SNX13: variants seen among roughly 807,000 people sequenced by gnomAD.
SNX13 encodes sorting nexin 13.
SNX13 carries 45 observed loss-of-function variants against 133.6 expected under a neutral mutation model. The ratio of observed to expected loss-of-function variants is 0.34; its 90% confidence interval spans 0.27 to 0.43. SNX13 has a LOEUF of 0.43. Among genes scored for constraint, SNX13 ranks in the 20% least tolerant of loss-of-function variants. The pLI, the probability that SNX13 is intolerant of heterozygous loss-of-function variation, is 1.00. For synonymous variants in SNX13, 414 were observed against 373.9 expected (o/e 1.11, Z -1.24); for missense variants, 1,032 against 1,145.1 (o/e 0.90, Z 1.43).
At chr7:17,924,358 T>A (rs747988013) in intron 1 of SNX13, among the ~76,000 whole-genome samples, 1 of 152,100 alleles carries the variant, frequency 6.6e-6, no homozygotes, top group Non-Finnish European at 1.5e-5. Context: ...GATATACAAA[T>A]GAAATATGAA....
chr7:17,907,504 T>G (rs1466794204), intron 1 of SNX13, among the ~76,000 whole-genome samples: 2 of 152,184 alleles, frequency 1.3e-5, no homozygotes, highest in Non-Finnish European at 2.9e-5. Context: ...TTTAAAAATC[T>G]GTAAAAATCA....
rs545801284 is a variant in SNX13 at position 17,856,949 on chromosome 7, T to C, written c.838-5985A>G. On this transcript the variant is annotated intron_variant, in intron 9 of 25. Transcript: ENST00000428135. ...TAAGAAAACAATACAAAAGATTGAG[T>C]TGAAAAGTGATCTTTTAAAGGGAGA... 1.1e-4 allele frequency among the ~76,000 whole-genome samples: 16 copies of C among 151,006 alleles called. No individual in the cohort carries two copies. In the East Asian group the frequency reaches 1.4e-3, roughly 13 times the overall value.
chr7:17,841,498 A>C (rs755812602), intron 12 of SNX13, among the ~76,000 whole-genome samples: 23 of 151,170 alleles, frequency 1.5e-4, no homozygotes, highest in Non-Finnish European at 3.4e-4. Context: ...CCCTAAGGAA[A>C]GGGAAGTGAT....
At chr7:17,938,148 T>C (rs1802324884) in intron 1 of SNX13, among the ~76,000 whole-genome samples, 1 of 152,214 alleles carries the variant, frequency 6.6e-6, no homozygotes, top group South Asian at 2.1e-4. Flanking sequence ...TTAGAAGCCT[T>C]GTTTAAAAAA....
intron 9 of SNX13, among the ~76,000 whole-genome samples, chr7:17,854,816 A>AC (rs1218323812): frequency 1.3e-5 from 2 of 152,190 alleles, no homozygotes; most frequent in Non-Finnish European, 2.9e-5. Context: ...ACAGTTAGTA[A>AC]CCCTACAATG....
chr7:17,836,617 T>C (rs1008454594), intron 13 of SNX13, among the ~76,000 whole-genome samples: 6 of 152,144 alleles, frequency 3.9e-5, no homozygotes, highest in African/African-American at 1.4e-4. Flanking sequence ...GTGTATTCTT[T>C]ACTTTTCTAT....
intron 19 of SNX13, among the ~76,000 whole-genome samples, chr7:17,815,235 C>T (rs1786526894): frequency 6.6e-6 from 1 of 152,086 alleles, no homozygotes; most frequent in Non-Finnish European, 1.5e-5. Flanking sequence ...ACAGCTTATA[C>T]TAAGAAGATC....
chr7:17,821,370 TC>T, intron 18 of SNX13, 138 bp downstream of exon 18: 1 of 740,790 alleles, frequency 1.3e-6, no homozygotes, highest in Non-Finnish European at 2.2e-6. Context: ...TCAGATTAAT[TC>T]TAAGATTTAT....
chr7:17,817,403 C>T (rs1042635459), intron 18 of SNX13, among the ~76,000 whole-genome samples: 2 of 152,106 alleles, frequency 1.3e-5, no homozygotes, highest in Non-Finnish European at 2.9e-5. Flanking sequence ...CTTTTTAAAA[C>T]AATTATTTGT....
At position 17,885,933 on chromosome 7, in the gene SNX13, TATA is replaced by T. The variant is rs753401998; in HGVS notation, c.440+4427_440+4429del. On this transcript the variant is annotated intron_variant, in intron 5 of 25. Transcript: ENST00000428135. ...ATTGTTTTTGCTGTACTGTAATAAA[TATA>T]ATAACTGTCTTTCCAAGTAATGTCA... Among the ~76,000 whole-genome samples the T allele has an allele frequency of 7.7e-4, 117 of 152,316 alleles. 1 individual carries two copies. The highest frequency in any genetic ancestry group is 5.6e-4 in the Non-Finnish European group (38 of 68,030).
At chr7:17,814,481 C>T (rs1255538159) in intron 20 of SNX13, among the ~76,000 whole-genome samples, 1 of 151,972 alleles carries the variant, frequency 6.6e-6, no homozygotes, top group Non-Finnish European at 1.5e-5. Flanking sequence ...CAGAACATAT[C>T]CTGCTTAATA....
At chr7:17,885,297 C>A (rs201470568) in intron 5 of SNX13, among the ~76,000 whole-genome samples, 966 of 120,222 alleles carry the variant, frequency 8.0e-3, no homozygotes, top group East Asian at 0.011. Context: ...TCCATAGAGA[C>A]AAAAAAAAAA....
chr7:17,937,097 C>T (rs1423195640), intron 1 of SNX13, among the ~76,000 whole-genome samples: 2 of 142,638 alleles, frequency 1.4e-5, no homozygotes, highest in Non-Finnish European at 3.0e-5. Context: ...AAAATACATA[C>T]ATAAATATGA....
chr7:17,897,498 T>C, intron 1 of SNX13, 52 bp from the exon 2 acceptor site: 1 of 1,067,584 alleles, frequency 9.4e-7, no homozygotes, highest in Non-Finnish European at 1.3e-6. Context: ...TCCACATGAA[T>C]TAGAAAAGAA....
chr7:17,885,092 A>C lies in SNX13; in HGVS notation c.440+5271T>G, dbSNP rs183666314. Among the ~76,000 whole-genome samples, 8 of 152,300 alleles carry C rather than the reference A, an allele frequency of 5.3e-5. No homozygotes were observed. The East Asian group carries it at 1.3e-3, about 26-fold the overall frequency. On this transcript the variant is annotated intron_variant, in intron 5 of 25. Coordinates refer to ENST00000428135, the MANE Select transcript of SNX13 (RefSeq NM_015132.5). ...TCATATGATTCAAAGACTAGAAACA[A>C]CCTAAATGCCCATTTACTGATGAAA...
Position 17,940,354 on chromosome 7 carries a change from C to G in SNX13, c.-59G>C. The stretch of plus-strand genomic sequence containing the variant: ...CCTCGCCTCATGGCAACAGCCGTAG[C>G]AGCAGCGAAAACTGCTCGGGCCGCC... On this transcript the variant is annotated 5_prime_UTR_variant, in exon 1 of 26. Coordinates refer to ENST00000428135, the MANE Select transcript of SNX13 (RefSeq NM_015132.5). 6.4e-7 allele frequency: 1 copy of G among 1,553,134 alleles called. No individual in the cohort carries two copies. Among genetic ancestry groups the G allele is most frequent in the Non-Finnish European group, 8.7e-7 (1 of 1,147,822 alleles).
intron 20 of SNX13, among the ~76,000 whole-genome samples, chr7:17,809,942 A>G (rs1469845267): frequency 6.6e-6 from 1 of 152,230 alleles, no homozygotes; most frequent in African/African-American, 2.4e-5. Context: ...GATGCAACAT[A>G]CCAGAATCTC....
chr7:17,873,333 G>A (rs547152369), intron 8 of SNX13, among the ~76,000 whole-genome samples, 195 bp downstream of exon 8: 1 of 152,154 alleles, frequency 6.6e-6, no homozygotes, highest in Non-Finnish European at 1.5e-5. Context: ...TGAAATACAT[G>A]CTTGCATATT....
intron 12 of SNX13, among the ~76,000 whole-genome samples, chr7:17,843,309 T>C (rs919027681): frequency 2.0e-5 from 3 of 152,056 alleles, no homozygotes; most frequent in Admixed American, 1.3e-4. Flanking sequence ...AAATAGACTT[T>C]AAATCAAAAA....
Sources: allele counts gnomAD v4.1 joint callset (sites outside exome capture counted in the v4.1 genomes callset), GRCh38; gene constraint gnomAD v4.1.1; transcripts MANE v1.5; gene names NCBI Gene and HGNC (gene_info 2026-07-23, HGNC 2026-07-21).